Variants in DENND5A observed in about 807,000 individuals in gnomAD.
The protein encoded by DENND5A is DENN domain containing 5A.
Under a neutral mutation model 140.3 loss-of-function variants are expected in DENND5A, and 64 were observed. The ratio of observed to expected loss-of-function variants is 0.46; its 90% CI spans 0.37 to 0.56. The LOEUF (loss-of-function observed/expected upper bound fraction) is 0.56. Ranked by LOEUF, DENND5A falls within the 20% of genes least tolerant of loss-of-function variation. The pLI, the probability that DENND5A is intolerant of heterozygous loss-of-function variation, is 0.00. For missense variants in DENND5A, 1,292 were observed against 1,593.8 expected, an observed-to-expected ratio of 0.81 and a Z score of 3.22; for synonymous variants, 605 against 607.7, an observed-to-expected ratio of 1.00 and a Z score of 0.07.
Position 9,174,130 on chromosome 11 carries a change from GA to G in DENND5A, c.1907-3354del, listed in dbSNP as rs1158117473. Among the ~76,000 whole-genome samples the G allele has an allele frequency of 5.7e-3, 536 of 94,216 alleles. 3 individuals are homozygous for G. Among genetic ancestry groups the G allele is most frequent in the African/African-American group, 0.011 (262 of 24,500 alleles). The allele number at this position is 94,216 out of a possible 152,430, so 61.8% of individuals were successfully genotyped here. ...AAAAAAAAAAAAAAAAAAAAAAAAA[GA>G]AAAAAAAATTGAAAATATTCAATTA... On this transcript the variant is annotated intron_variant, in intron 8 of 22. Coordinates refer to ENST00000328194, the MANE Select transcript of DENND5A (RefSeq NM_015213.4).
Position 9,265,014 on chromosome 11 carries a change from A to G in DENND5A, c.56T>C (p.Phe19Ser). 1 of 1,584,634 alleles carries G rather than the reference A, an allele frequency of 6.3e-7. No individual in the cohort carries two copies. Among genetic ancestry groups the G allele is most frequent in the Non-Finnish European group, 8.6e-7 (1 of 1,168,106 alleles). The change falls in exon 1 of 23, where the codon TTT (phenylalanine) becomes TCT (serine). Residue 19 changes from phenylalanine (F) to serine (S), a missense_variant. Physicochemically the swap from Phe to Ser is radical, Grantham distance 155 (BLOSUM62 -2). Transcript: ENST00000328194. This position sits in a 1 kb window ranked among gnomAD's most constrained non-coding sequence, Gnocchi z 4.7. ...GSAPSRFADY[F>S]VICGLDTETG... ...CTCCGTGTCCAGTCCGCAGATGACA[A>G]AGTAGTCGGCGAAGCGACTGGGCGC...
At chr11:9,251,518 C>T (rs1851719326) in intron 1 of DENND5A, among the ~76,000 whole-genome samples, 1 of 152,062 alleles carries the variant, frequency 6.6e-6, no homozygotes, top group Admixed American at 6.6e-5. Flanking sequence ...ATATCTGATC[C>T]CCTGAAGGCA....
At chr11:9,162,469 C>G (rs1403945850) in intron 11 of DENND5A, among the ~76,000 whole-genome samples, 3 of 151,786 alleles carry the variant, frequency 2.0e-5, no homozygotes, top group Non-Finnish European at 4.4e-5. Flanking sequence ...AAACTCCCGA[C>G]CTCAAGTGAT....
At chr11:9,233,528 A>G (rs926236570) in intron 1 of DENND5A, among the ~76,000 whole-genome samples, 1 of 152,166 alleles carries the variant, frequency 6.6e-6, no homozygotes, top group Non-Finnish European at 1.5e-5. Flanking sequence ...CTTACTTGGA[A>G]AAAGGATCTT....
rs983450536 is a variant in DENND5A at position 9,234,487 on chromosome 11, T to C, written c.110-26855A>G. 3.9e-5 allele frequency among the ~76,000 whole-genome samples: 6 copies of C among 152,052 alleles called. No individual in the cohort carries two copies. In the South Asian group the frequency reaches 1.2e-3, roughly 32 times the overall value. On this transcript the variant is annotated intron_variant, in intron 1 of 22. Coordinates refer to ENST00000328194, the MANE Select transcript of DENND5A (RefSeq NM_015213.4). ...TGAAAAACAAGTATTAATGAGGATA[T>C]GGAGAAAGTGGAAACCTTGTTGGGA...
At position 9,170,572 on chromosome 11, in the gene DENND5A, G is replaced by T. The variant is rs1272383261; in HGVS notation, c.2057+55C>A. 4.1e-5 allele frequency: 65 copies of T among 1,600,658 alleles called. No individual in the cohort carries two copies. In the South Asian group the frequency reaches 6.9e-4, roughly 17 times the overall value. ...GGTAACAGCCCTAGCCCAGATACTA[G>T]ATGACCCTATTACAGCTAGGGAGTT... On this transcript the variant is annotated intron_variant, in intron 9 of 22. Coordinates refer to ENST00000328194, the MANE Select transcript of DENND5A (RefSeq NM_015213.4).
intron 1 of DENND5A, among the ~76,000 whole-genome samples, chr11:9,238,833 CTTTT>C (rs35267899): frequency 7.0e-6 from 1 of 142,068 alleles, no homozygotes; most frequent in Non-Finnish European, 1.5e-5. Flanking sequence ...TTTCTTTTTT[CTTTT>C]TTTTTTTTTT....
chr11:9,194,498 G>A (rs1412347141), intron 4 of DENND5A, among the ~76,000 whole-genome samples: 1 of 151,676 alleles, frequency 6.6e-6, no homozygotes, highest in Admixed American at 6.6e-5. Context: ...GAACCTGGGA[G>A]GCAGAGGTTG....
intron 14 of DENND5A, 129 bp downstream of exon 14, chr11:9,150,551 G>A (rs1157663103): frequency 1.5e-6 from 1 of 667,172 alleles, no homozygotes. Flanking sequence ...AAGGCTTTGT[G>A]ATTAGGAGGG....
intron 1 of DENND5A, among the ~76,000 whole-genome samples, chr11:9,247,477 T>C (rs1233362118): frequency 1.3e-5 from 2 of 151,836 alleles, no homozygotes; most frequent in African/African-American, 4.8e-5. Context: ...TACTGACCTA[T>C]GGCTTTTAAA....
intron 4 of DENND5A, among the ~76,000 whole-genome samples, chr11:9,194,807 C>A (rs1050724755): frequency 3.3e-5 from 5 of 151,598 alleles, no homozygotes; most frequent in African/African-American, 1.2e-4. Context: ...GCAACCTCCA[C>A]CTCCTGGGTT....
chr11:9,152,732 G>A (rs1564884062), intron 12 of DENND5A, among the ~76,000 whole-genome samples: 2 of 152,088 alleles, frequency 1.3e-5, no homozygotes, highest in Admixed American at 6.6e-5. Context: ...AGCTGGGCAC[G>A]GTGGCTCACA....
chr11:9,192,439 C>T (rs550361637), intron 5 of DENND5A, among the ~76,000 whole-genome samples: 63 of 152,204 alleles, frequency 4.1e-4, no homozygotes, highest in African/African-American at 8.4e-4. Flanking sequence ...CCAGCCTGGC[C>T]AACATAGTGA....
chr11:9,226,725 GT>G (rs1436151049), intron 1 of DENND5A, among the ~76,000 whole-genome samples: 1 of 152,120 alleles, frequency 6.6e-6, no homozygotes, highest in Non-Finnish European at 1.5e-5. Flanking sequence ...CTAAACAAGA[GT>G]TGTGAAAATT....
chr11:9,199,152 A>G lies in DENND5A; in HGVS notation c.949+4508T>C, dbSNP rs895237556. ...ACTTAACTGACTTTTTTGGTTTCCA[A>G]TCAACTACTCTATCAGGCCACTTCA... On this transcript the variant is annotated intron_variant, in intron 4 of 22. Transcript: ENST00000328194. Among the ~76,000 whole-genome samples, 9 of 151,694 alleles carry G rather than the reference A, an allele frequency of 5.9e-5. No individual in the cohort carries two copies. In the Admixed American group the frequency reaches 5.9e-4, roughly 10 times the overall value.
At chr11:9,247,557 G>C (rs1021230968) in intron 1 of DENND5A, among the ~76,000 whole-genome samples, 26 of 151,254 alleles carry the variant, frequency 1.7e-4, no homozygotes, top group African/African-American at 6.1e-4. Flanking sequence ...GAGACACCTA[G>C]TGAAGAAAAA....
At chr11:9,248,888 T>C (rs555537305) in intron 1 of DENND5A, among the ~76,000 whole-genome samples, 2 of 152,196 alleles carry the variant, frequency 1.3e-5, no homozygotes, top group South Asian at 4.2e-4. Flanking sequence ...GCCATTGTTC[T>C]AAAACTACAA....
intron 1 of DENND5A, among the ~76,000 whole-genome samples, chr11:9,260,783 T>C (rs1282955042): frequency 6.6e-6 from 1 of 152,210 alleles, no homozygotes; most frequent in Non-Finnish European, 1.5e-5. Context: ...CAAAATCCAA[T>C]TACCTCAGTC....
intron 21 of DENND5A, among the ~76,000 whole-genome samples, chr11:9,142,451 G>T (rs1054042265): frequency 3.9e-5 from 6 of 152,208 alleles, no homozygotes; most frequent in Non-Finnish European, 7.3e-5. Flanking sequence ...TCTATAAGGG[G>T]AAAGTGTGAG....
Sources: gnomAD v4.1 joint callset for allele counts (sites outside exome capture counted in the v4.1 genomes callset) on GRCh38, gnomAD v4.1.1 for gene constraint, Gnocchi (gnomAD v3.1) non-coding constraint, MANE v1.5 for transcripts, NCBI Gene and HGNC (gene_info 2026-07-23, HGNC 2026-07-21) for gene names.